The following WDFY4 variants were observed in gnomAD, a reference collection of about 807,000 sequenced individuals.
WDFY4 encodes WD repeat- and FYVE domain-containing protein 4.
A neutral mutation model predicts 351.9 loss-of-function variants in WDFY4; 169 were observed. The ratio of observed to expected loss-of-function variants is 0.48; its 90% CI spans 0.42 to 0.55. The LOEUF is 0.55. WDFY4 is among the 20% of genes least tolerant of loss of function. WDFY4 has a pLI of 0.00. For missense variants in WDFY4, 3,803 were observed against 3,935.6 expected (o/e 0.97, Z 0.90); for synonymous variants, 1,622 against 1,574.6 (o/e 1.03, Z -0.71).
At chr10:48,941,134 C>A (rs1265400954) in intron 47 of WDFY4, among the ~76,000 whole-genome samples, 1 of 152,124 alleles carries the variant, frequency 6.6e-6, no homozygotes, top group Non-Finnish European at 1.5e-5. Context: ...CAGTTAGGAT[C>A]CAGCTGTGCA....
At chr10:48,703,624 C>T (rs2063541263) in intron 1 of WDFY4, among the ~76,000 whole-genome samples, 1 of 152,184 alleles carries the variant, frequency 6.6e-6, no homozygotes, top group African/African-American at 2.4e-5. Context: ...TTCCTGGGAA[C>T]AGCTTCTTGG....
At chr10:48,765,886 C>G (rs148494177) in intron 13 of WDFY4, among the ~76,000 whole-genome samples, 281 of 152,328 alleles carry the variant, frequency 1.8e-3, no homozygotes, top group African/African-American at 6.3e-3. Context: ...GCCTCCAGAA[C>G]AGCCTGGCAA....
intron 12 of WDFY4, chr10:48,745,485 C>A (rs2064981159): frequency 7.5e-6 from 2 of 265,242 alleles, no homozygotes; most frequent in African/African-American, 2.3e-5. Flanking sequence ...TTTTTAAAGT[C>A]GGCTTGAAAT....
chr10:48,910,317 G>A (rs1837886150), intron 47 of WDFY4: 2 of 1,505,616 alleles, frequency 1.3e-6, no homozygotes, highest in Admixed American at 3.3e-5. Context: ...GGCAAACACA[G>A]CAAGGGCAGA....
rs930604383 is a variant in WDFY4 at position 48,721,312 on chromosome 10, A to T, written c.401A>T (p.Asp134Val). 67 of 1,551,514 alleles carry T rather than the reference A, an allele frequency of 4.3e-5. No homozygotes were observed. Among genetic ancestry groups the T allele is most frequent in the Non-Finnish European group, 5.5e-5 (63 of 1,146,992 alleles). Reference sequence around the variant, plus strand: ...TTGCTGTGGTGGAAGGGGGACGTGGATCAGGATGGCTACTTGCTCCTGAAG... The same window carrying T: ...TTGCTGTGGTGGAAGGGGGACGTGGTTCAGGATGGCTACTTGCTCCTGAAG... ...GQLLWWKGDVDQDGYLLLKSV... is the reference protein window; with the variant it reads ...GQLLWWKGDVVQDGYLLLKSV... The change falls in exon 4 of 62, where the codon GAT (aspartate) becomes GTT (valine). Residue 134 changes from aspartate (D) to valine (V), a missense_variant. Around this residue, in one of 3 missense-constraint regions of WDFY4, gnomAD observed 488 missense variants for 456.8 expected, o/e 1.07. Transcript: ENST00000325239.
intron 1 of WDFY4, among the ~76,000 whole-genome samples, chr10:48,702,656 G>A (rs2063512363): frequency 6.6e-6 from 1 of 152,172 alleles, no homozygotes; most frequent in Non-Finnish European, 1.5e-5. Flanking sequence ...GGGCATTTAT[G>A]TTTTTTCCAG....
At chr10:48,759,288 A>G (rs1245190063) in intron 12 of WDFY4, among the ~76,000 whole-genome samples, 1 of 152,094 alleles carries the variant, frequency 6.6e-6, no homozygotes, top group East Asian at 1.9e-4. Context: ...TTGTGGTTAC[A>G]TTTTCCTCAG....
intron 52 of WDFY4, among the ~76,000 whole-genome samples, chr10:48,958,036 G>A (rs137876774): frequency 0.012 from 1,860 of 152,248 alleles, 15 homozygotes; most frequent in Middle Eastern, 0.024. Context: ...TGCATACCTC[G>A]GGCTCTAGAG....
At chr10:48,852,698 G>T (rs1322623965) in intron 39 of WDFY4, among the ~76,000 whole-genome samples, 1 of 152,132 alleles carries the variant, frequency 6.6e-6, no homozygotes, top group Non-Finnish European at 1.5e-5. Context: ...ATCCCCATCT[G>T]CAGCCATCTT....
Position 48,890,567 on chromosome 10 carries a change from C to G in WDFY4, c.7168-12C>G, listed in dbSNP as rs1564453645. 1 of 1,551,676 alleles carries G rather than the reference C, an allele frequency of 6.4e-7. No homozygotes were observed. The highest frequency in any genetic ancestry group is 2.0e-5 in the Admixed American group (1 of 51,006). On this transcript the variant is annotated splice_polypyrimidine_tract_variant and intron_variant, in intron 43 of 61. Coordinates refer to ENST00000325239, the MANE Select transcript of WDFY4 (RefSeq NM_001394531.1). ...CTGTGCACCACCTGACTCTGCCACTCTCTCCTTCCAGGTGACGCAGAAGTT... is the reference window on the plus strand; with the variant it reads ...CTGTGCACCACCTGACTCTGCCACTGTCTCCTTCCAGGTGACGCAGAAGTT...
rs183041902 is a variant in WDFY4, at chr10:48,726,643, T to C, written c.781+573T>C. On this transcript the variant is annotated intron_variant, in intron 6 of 61. Transcript: ENST00000325239. ...CTGAGTGATCTCAGGCACTTAACCATTGGGGTGCCTCAGTTCTCTCATCCG... is the reference window on the plus strand; with the variant it reads ...CTGAGTGATCTCAGGCACTTAACCACTGGGGTGCCTCAGTTCTCTCATCCG... Among the ~76,000 whole-genome samples, 30 of 152,292 alleles carry C rather than the reference T, an allele frequency of 2.0e-4. No homozygotes were observed. In the East Asian group the frequency reaches 2.5e-3, roughly 13 times the overall value.
chr10:48,974,777 AC>A (rs1842493779), intron 57 of WDFY4, 84 bp from the exon 58 acceptor site: 3 of 1,358,376 alleles, frequency 2.2e-6, no homozygotes, highest in African/African-American at 1.5e-5. Context: ...CTCATCCAGC[AC>A]CCAGCTTTAT....
At chr10:48,788,724 G>A (rs1490107749) in intron 21 of WDFY4, 49 bp downstream of exon 21, 2 of 1,543,424 alleles carry the variant, frequency 1.3e-6, no homozygotes, top group African/African-American at 2.7e-5. Context: ...CTGGTTTCAT[G>A]GTTTGCATTA....
At chr10:48,871,652 T>A (rs1327765561) in intron 40 of WDFY4, among the ~76,000 whole-genome samples, 1 of 152,146 alleles carries the variant, frequency 6.6e-6, no homozygotes. Flanking sequence ...TTTCTTTAAT[T>A]TTTTTGTAGA....
chr10:48,926,932 T>G (rs1189419816), intron 47 of WDFY4, among the ~76,000 whole-genome samples: 8 of 152,204 alleles, frequency 5.3e-5, no homozygotes, highest in Admixed American at 2.6e-4. Flanking sequence ...GTGAACGCCT[T>G]GCCACATGGA....
intron 9 of WDFY4, 53 bp from the exon 10 acceptor site, chr10:48,733,878 G>T: frequency 1.3e-6 from 2 of 1,483,638 alleles, no homozygotes; most frequent in South Asian, 1.2e-5. Context: ...AGAGATTTGC[G>T]GTCATACCAC....
chr10:48,863,764 G>A lies in WDFY4; in HGVS notation c.6664-3501G>A, dbSNP rs142943218. On this transcript the variant is annotated intron_variant, in intron 39 of 61. Coordinates refer to ENST00000325239, the MANE Select transcript of WDFY4 (RefSeq NM_001394531.1). ...TGCTATAAAGAACTGCCCAAGACTG[G>A]GTAATTTATAAAGAAAAGAGGTTTA... Among the ~76,000 whole-genome samples the A allele has an allele frequency of 4.6e-3, 699 of 152,116 alleles. 4 individuals carry two copies. Among genetic ancestry groups the A allele is most frequent in the African/African-American group, 0.016 (661 of 41,472 alleles).
chr10:48,730,007 G>A (rs1565137885), intron 8 of WDFY4, among the ~76,000 whole-genome samples: 1 of 152,218 alleles, frequency 6.6e-6, no homozygotes, highest in African/African-American at 2.4e-5. Context: ...GGGTGCCAGT[G>A]TGAACAGGCC....
intron 4 of WDFY4, among the ~76,000 whole-genome samples, chr10:48,722,926 T>A (rs1308807557): frequency 2.0e-5 from 3 of 152,144 alleles, no homozygotes; most frequent in Non-Finnish European, 2.9e-5. Context: ...ATTGCACTCT[T>A]TGGACCTTGA....
Sources: gnomAD v4.1 joint callset for allele counts (sites outside exome capture counted in the v4.1 genomes callset) on GRCh38, gnomAD v4.1.1 for gene constraint, gnomAD v4.1.1 regional missense constraint, MANE v1.5 for transcripts, NCBI Gene and HGNC (gene_info 2026-07-23, HGNC 2026-07-21) for gene names.